Variants in RNF169 observed in about 807,000 individuals in gnomAD.
The protein encoded by RNF169 is ring finger protein 169, also known as E3 ubiquitin-protein ligase RNF169.
A neutral mutation model predicts 53.9 loss-of-function variants in RNF169; 24 were observed. The observed-to-expected ratio is 0.45, with a 90% confidence interval of 0.32 to 0.63. The LOEUF (loss-of-function observed/expected upper bound fraction) is 0.63. RNF169 is among the 20% of genes least tolerant of loss of function. The pLI is 0.04. For missense variants in RNF169, 883 were observed against 906.2 expected, an observed-to-expected ratio of 0.97 and a Z score of 0.33; for synonymous variants, 396 against 363.5, an observed-to-expected ratio of 1.09 and a Z score of -1.02.
intron 4 of RNF169, 140 bp downstream of exon 4, chr11:74,817,854 C>CAAATATGGACTAGGG (rs1402638985): frequency 6.8e-5 from 45 of 658,800 alleles, no homozygotes; most frequent in Admixed American, 2.5e-4. Flanking sequence ...AATTGGTTTT[C>CAAATATGGACTAGGG]AAATATGGAC....
At chr11:74,831,640 T>C (rs1244118166) in intron 4 of RNF169, 1 of 142,824 alleles carries the variant, frequency 7.0e-6, no homozygotes, top group East Asian at 2.0e-4. Context: ...TGGACAAACA[T>C]ACCAAAACAC....
At chr11:74,779,017 C>T (rs2035378503) in intron 1 of RNF169, among the ~76,000 whole-genome samples, 1 of 152,192 alleles carries the variant, frequency 6.6e-6, no homozygotes, top group Non-Finnish European at 1.5e-5. Flanking sequence ...ATTTTAGTGA[C>T]TGAATAATAG....
At chr11:74,799,844 G>A (rs1307082816) in intron 2 of RNF169, among the ~76,000 whole-genome samples, 1 of 151,588 alleles carries the variant, frequency 6.6e-6, no homozygotes. Context: ...AGGGAAAATC[G>A]CCAGTAATCC....
At chr11:74,751,818 CTCTTA>C (rs2034899802) in intron 1 of RNF169, among the ~76,000 whole-genome samples, 1 of 152,158 alleles carries the variant, frequency 6.6e-6, no homozygotes, top group African/African-American at 2.4e-5. Context: ...TAGGAAGTAT[CTCTTA>C]GCTTCAGTGG....
chr11:74,786,465 G>C (rs1257121853), intron 1 of RNF169, among the ~76,000 whole-genome samples: 1 of 151,944 alleles, frequency 6.6e-6, no homozygotes, highest in Non-Finnish European at 1.5e-5. Flanking sequence ...GTCTGTCTGT[G>C]TTGCTCAGGC....
At position 74,754,944 on chromosome 11, in the gene RNF169, T is replaced by A. The variant is rs1292079304; in HGVS notation, c.502+5562T>A. On this transcript the variant is annotated intron_variant, in intron 1 of 5. Coordinates refer to ENST00000299563, the MANE Select transcript of RNF169 (RefSeq NM_001098638.2). Reference sequence around the variant, plus strand: ...GGTTAACATTTCTGCATTTAAAAAATTTCCCCTTTCTGTGAAAAGCAAGTA... The same window carrying A: ...GGTTAACATTTCTGCATTTAAAAAAATTCCCCTTTCTGTGAAAAGCAAGTA... Among the ~76,000 whole-genome samples, 3 of 152,210 alleles carry A rather than the reference T, an allele frequency of 2.0e-5. No individual in the cohort carries two copies. The East Asian group carries it at 5.8e-4, about 29-fold the overall frequency.
At chr11:74,815,556 CA>C (rs559241093) in intron 3 of RNF169, among the ~76,000 whole-genome samples, 20 of 145,772 alleles carry the variant, frequency 1.4e-4, no homozygotes, top group South Asian at 1.1e-3. Flanking sequence ...ACTCGGTCTC[CA>C]AAAAAAAAGG....
In RNF169 at chr11:74,825,688, T is replaced by C. The variant is rs554485654; in HGVS notation, c.842+7974T>C. On this transcript the variant is annotated intron_variant, in intron 4 of 5. Coordinates refer to ENST00000299563, the MANE Select transcript of RNF169 (RefSeq NM_001098638.2). ...TCCTGATACCAAAACCTGGAAGAGA[T>C]ACAACAAAAAAAGAAAACTTCAGGC... is the stretch of plus-strand genomic sequence containing the variant. Among the ~76,000 whole-genome samples the C allele has an allele frequency of 1.8e-3, 271 of 152,128 alleles. 1 individual carries two copies. Among genetic ancestry groups the C allele is most frequent in the Non-Finnish European group, 3.0e-3 (206 of 67,988 alleles).
intron 1 of RNF169, among the ~76,000 whole-genome samples, chr11:74,779,676 A>G (rs1277841488): frequency 6.6e-6 from 1 of 152,112 alleles, no homozygotes; most frequent in Non-Finnish European, 1.5e-5. Flanking sequence ...CTTCTCAAAA[A>G]AAAGTTATTT....
chr11:74,791,151 T>C (rs2035573868), intron 2 of RNF169, among the ~76,000 whole-genome samples: 1 of 152,128 alleles, frequency 6.6e-6, no homozygotes, highest in Admixed American at 6.5e-5. Context: ...TCTACTCAGC[T>C]CTCAGCTGAG....
chr11:74,771,466 G>C (rs1185355607), intron 1 of RNF169, among the ~76,000 whole-genome samples: 1 of 152,174 alleles, frequency 6.6e-6, no homozygotes, highest in East Asian at 1.9e-4. Flanking sequence ...CTACTCTGGA[G>C]GCTGAGGTGG....
rs1183760532 is a variant in RNF169 at position 74,838,893 on chromosome 11, C to T, written c.*2163C>T. The T allele has an allele frequency of 6.6e-6, 1 of 152,142 alleles. No homozygotes were observed. Among genetic ancestry groups the T allele is most frequent in the Non-Finnish European group, 1.5e-5 (1 of 68,024 alleles). The allele number at this position is 152,142 out of a possible 1,614,324, so 9.4% of individuals were successfully genotyped here. ...TAGTAAATATTATTGGAAGGCTAGT[C>T]TTGTTGGTAGGAGCAAAGACACTTA... On this transcript the variant is annotated 3_prime_UTR_variant, in exon 6 of 6. Coordinates refer to ENST00000299563, the MANE Select transcript of RNF169 (RefSeq NM_001098638.2).
At chr11:74,758,643 A>G (rs866487635) in intron 1 of RNF169, among the ~76,000 whole-genome samples, 233 of 151,172 alleles carry the variant, frequency 1.5e-3, no homozygotes, top group Middle Eastern at 0.01. Context: ...CTGGGACTAC[A>G]GGCGCCCGCC....
In RNF169 at chr11:74,835,681, C is replaced by T. The variant is rs757981185; in HGVS notation, c.1078C>T (p.Leu360=). 1.9e-6 allele frequency: 3 copies of T among 1,614,170 alleles called. No homozygotes were observed. In the East Asian group the frequency reaches 6.7e-5, roughly 36 times the overall value. Residue 360 remains leucine (L), a synonymous_variant, in exon 6 of 6, where the codon CTG becomes TTG. Transcript: ENST00000299563. ...PFSSLSSLAS[L]HKPERSVSPE... ...CAGCTCCCTTTCATCCTTGGCTTCC[C>T]TGCATAAGCCAGAGCGTTCTGTCAG...
chr11:74,785,360 GT>G (rs2035485137), intron 1 of RNF169, among the ~76,000 whole-genome samples: 1 of 147,124 alleles, frequency 6.8e-6, no homozygotes, highest in Non-Finnish European at 1.5e-5. Context: ...CATCATTCAA[GT>G]TTTGACATTT....
In RNF169 at chr11:74,764,745, ATTT is replaced by A. The variant is rs199646667; in HGVS notation, c.502+15364_502+15366del. Among the ~76,000 whole-genome samples the A allele has an allele frequency of 7.4e-3, 1,121 of 152,260 alleles. 13 individuals are homozygous for A. The highest frequency in any genetic ancestry group is 0.025 in the African/African-American group (1,050 of 41,542). On this transcript the variant is annotated intron_variant, in intron 1 of 5. Coordinates refer to ENST00000299563, the MANE Select transcript of RNF169 (RefSeq NM_001098638.2). ...GTATAAAACAAAATAATTATCACTG[ATTT>A]GTAGGGGCTAAAACCAAGGTAAAAC...
At chr11:74,788,289 A>G (rs1490261115) in intron 1 of RNF169, among the ~76,000 whole-genome samples, 2 of 139,436 alleles carry the variant, frequency 1.4e-5, no homozygotes, top group East Asian at 4.0e-4. Context: ...GGGTTTATAT[A>G]TACATAAACA....
intron 1 of RNF169, among the ~76,000 whole-genome samples, chr11:74,765,438 A>C (rs372226136): frequency 2.6e-5 from 4 of 152,242 alleles, no homozygotes; most frequent in Non-Finnish European, 4.4e-5. Flanking sequence ...TAATAGTGAA[A>C]ATATAACCAA....
At chr11:74,778,446 G>T (rs936398681) in intron 1 of RNF169, among the ~76,000 whole-genome samples, 3 of 151,958 alleles carry the variant, frequency 2.0e-5, no homozygotes, top group Admixed American at 2.0e-4. Context: ...GTGTTTAATG[G>T]TTTTTCTTGT....
Sources: gnomAD v4.1 joint callset for allele counts (sites outside exome capture counted in the v4.1 genomes callset) on GRCh38, gnomAD v4.1.1 for gene constraint, MANE v1.5 for transcripts, NCBI Gene and HGNC (gene_info 2026-07-23, HGNC 2026-07-21) for gene names.